The following SYNE2 variants were observed in gnomAD, a reference collection of about 807,000 sequenced individuals.
SYNE2 encodes the protein spectrin repeat containing nuclear envelope protein 2.
SYNE2 carries 431 observed loss-of-function variants against 856.3 expected under a neutral mutation model. That is an observed-to-expected ratio of 0.50 (90% CI 0.47 to 0.55). The LOEUF is 0.55. SYNE2 is among the 20% of genes least tolerant of loss of function. The probability of loss-of-function intolerance (pLI) is 0.00; values close to 1 mark genes in which losing one functional copy is unlikely to be tolerated. For missense variants in SYNE2, 8,129 were observed against 8,023.2 expected, an observed-to-expected ratio of 1.01 and a Z score of -0.50; for synonymous variants, 2,923 against 2,872.3, an observed-to-expected ratio of 1.02 and a Z score of -0.56.
At chr14:63,838,508 T>C (rs1466157117) in intron 1 of SYNE2, among the ~76,000 whole-genome samples, 1 of 152,104 alleles carries the variant, frequency 6.6e-6, no homozygotes, top group Admixed American at 6.6e-5. Context: ...ATGTACATTA[T>C]TTATGTATTT....
At chr14:64,203,583 G>A (rs1243863144) in intron 100 of SYNE2, among the ~76,000 whole-genome samples, 1 of 152,148 alleles carries the variant, frequency 6.6e-6, no homozygotes, top group African/African-American at 2.4e-5. Flanking sequence ...CTGGTTTATC[G>A]AATCCACTTT....
intron 49 of SYNE2, among the ~76,000 whole-genome samples, chr14:64,059,590 A>G (rs1023916677): frequency 3.3e-5 from 5 of 152,260 alleles, no homozygotes; most frequent in Admixed American, 3.3e-4. Context: ...TGTGGCAACC[A>G]CTACAGAGAG....
At position 64,031,254 on chromosome 14, in the gene SYNE2, T is replaced by G; in HGVS notation, c.7118T>G (p.Phe2373Cys). The G allele has an allele frequency of 6.2e-7, 1 of 1,614,114 alleles. No homozygotes were observed. Among genetic ancestry groups the G allele is most frequent in the Non-Finnish European group, 8.5e-7 (1 of 1,180,018 alleles). The change falls in exon 45 of 116, where the codon TTT (phenylalanine) becomes TGT (cysteine). Residue 2373 changes from phenylalanine to cysteine, a missense_variant. Transcript: ENST00000555002. The part of the protein sequence containing the change: ...SKRSTEKKGK[F>C]TLPGREKQAT... Reference sequence around the variant, plus strand: ...CGCTCAACAGAAAAGAAAGGAAAGTTTACTCTGCCAGGCAGAGAGAAGCAG... The same window carrying G: ...CGCTCAACAGAAAAGAAAGGAAAGTGTACTCTGCCAGGCAGAGAGAAGCAG...
In SYNE2 at chr14:64,126,648, G is replaced by T. The variant is rs759094626; in HGVS notation, c.13758G>T (p.Lys4586Asn). The T allele has an allele frequency of 1.9e-6, 3 of 1,614,194 alleles. No homozygotes were observed. Among genetic ancestry groups the T allele is most frequent in the Non-Finnish European group, 2.5e-6 (3 of 1,180,042 alleles). Residue 4586 changes from lysine (K) to asparagine (N), a missense_variant, in exon 73 of 116, where the codon AAG becomes AAT. This residue lies in a region of SYNE2 where 5,410 missense variants were observed against 5,284.8 expected (regional missense o/e 1.02). Transcript: ENST00000555002. Reference protein sequence around the residue: ...KKLYLALSDKKGDLLKAMTWP... With the variant: ...KKLYLALSDKNGDLLKAMTWP... ...TTTATTTAGCGCTAAGTGACAAGAA[G>T]GGTGATCTTTTGAAAGCCATGACTT...
chr14:63,967,633 G>T, intron 10 of SYNE2, 76 bp from the exon 11 acceptor site: 1 of 1,466,612 alleles, frequency 6.8e-7, no homozygotes, highest in Non-Finnish European at 9.3e-7. Context: ...TATACCTATA[G>T]ACCTCAAAAT....
At chr14:63,965,945 G>C (rs1367900134) in intron 10 of SYNE2, among the ~76,000 whole-genome samples, 3 of 151,998 alleles carry the variant, frequency 2.0e-5, no homozygotes, top group Non-Finnish European at 4.4e-5. Flanking sequence ...TCACAGATTT[G>C]GGTTTCCTAA....
chr14:63,799,457 A>T (rs899410343), intron 1 of SYNE2, among the ~76,000 whole-genome samples: 1 of 134,032 alleles, frequency 7.5e-6, no homozygotes, highest in Non-Finnish European at 1.6e-5. Flanking sequence ...GCACTTTGGG[A>T]GGCTGAGGCA....
chr14:63,993,132 C>T (rs2096682512), intron 21 of SYNE2, among the ~76,000 whole-genome samples: 1 of 152,338 alleles, frequency 6.6e-6, no homozygotes, highest in East Asian at 1.9e-4. Context: ...GAACTGCCAA[C>T]ATGAGTGGCC....
intron 1 of SYNE2, among the ~76,000 whole-genome samples, chr14:63,881,588 A>G (rs1468256525): frequency 1.3e-5 from 2 of 148,818 alleles, no homozygotes; most frequent in Non-Finnish European, 3.0e-5. Context: ...TATTTATGGA[A>G]AATTTTATGT....
At chr14:64,023,008 C>G (rs924905409) in intron 38 of SYNE2, 145 bp downstream of exon 38, 1 of 615,634 alleles carries the variant, frequency 1.6e-6, no homozygotes, top group Non-Finnish European at 2.9e-6. Flanking sequence ...GCTGGTGGAT[C>G]ACTTGAGCTC....
rs762999027 is a variant in SYNE2 at position 64,081,463 on chromosome 14, A to C, written c.11367A>C (p.Glu3789Asp). 6.2e-7 allele frequency: 1 copy of C among 1,614,174 alleles called. No individual in the cohort carries two copies. Among genetic ancestry groups the C allele is most frequent in the East Asian group, 2.2e-5 (1 of 44,882 alleles). ...QLNKATVKME[E>D]YSDLLKSTEA... ...CCCAGGCCACAGTTAAGATGGAGGA[A>C]TATAGTGACCTTCTGAAGAGCACTG... Residue 3789 changes from glutamate to aspartate, a missense_variant, in exon 57 of 116, where the codon GAA becomes GAC. Transcript: ENST00000555002.
intron 49 of SYNE2, among the ~76,000 whole-genome samples, chr14:64,060,975 T>C (rs2097312167): frequency 3.9e-5 from 6 of 152,280 alleles, no homozygotes; most frequent in African/African-American, 1.2e-4. Flanking sequence ...GGATTCTTTC[T>C]CCCTGCCATG....
chr14:64,168,797 AT>A, intron 92 of SYNE2, 79 bp from the exon 93 acceptor site: 1 of 996,816 alleles, frequency 1.0e-6, no homozygotes, highest in Non-Finnish European at 1.6e-6. Context: ...GTAAGCTTAG[AT>A]TTTAATAGGA....
intron 34 of SYNE2, 134 bp from the exon 35 acceptor site, chr14:64,019,858 T>G: frequency 2.9e-6 from 2 of 686,292 alleles, no homozygotes; most frequent in Non-Finnish European, 2.5e-6. Flanking sequence ...CTTCTAGGAC[T>G]CTGACAAAAC....
upstream of SYNE2, chr14:63,848,132 C>T (rs1890292921): frequency 6.6e-6 from 1 of 152,202 alleles, no homozygotes; most frequent in East Asian, 1.9e-4. Context: ...GGTGATCCAC[C>T]TGTCTAAACC....
intron 11 of SYNE2, among the ~76,000 whole-genome samples, chr14:63,973,643 A>G (rs965783842): frequency 1.6e-4 from 24 of 152,004 alleles, no homozygotes; most frequent in African/African-American, 5.8e-4. Flanking sequence ...AAAAAAAAAA[A>G]AAAAAAAAAA....
Position 64,122,049 on chromosome 14 carries a change from T to C in SYNE2, c.13196T>C (p.Ile4399Thr), listed in dbSNP as rs758501158. 2 of 1,613,944 alleles carry C rather than the reference T, an allele frequency of 1.2e-6. No individual in the cohort carries two copies. Among genetic ancestry groups the C allele is most frequent in the East Asian group, 4.5e-5 (2 of 44,860 alleles). The change falls in exon 69 of 116, where the codon ATC (isoleucine) becomes ACC (threonine). Residue 4399 changes from isoleucine to threonine, a missense_variant. By Grantham distance (89) the Ile-to-Thr change is moderately conservative. This residue lies in a region of SYNE2 where 5,410 missense variants were observed against 5,284.8 expected (regional missense o/e 1.02). Coordinates refer to ENST00000555002, the MANE Select transcript of SYNE2 (RefSeq NM_182914.3). Reference protein sequence around the residue: ...ELKPMEQKDFIKFIEFNAKKM... With the variant: ...ELKPMEQKDFTKFIEFNAKKM... ...AAACCAATGGAACAGAAAGATTTCA[T>C]CAAATTCATAGAATTTAATGCTAAG...
At position 64,070,822 on chromosome 14, in the gene SYNE2, A is replaced by G; in HGVS notation, c.10609A>G (p.Ser3537Gly). The G allele has an allele frequency of 6.2e-7, 1 of 1,614,232 alleles. No individual in the cohort carries two copies. The highest frequency in any genetic ancestry group is 1.6e-4 in the Middle Eastern group (1 of 6,062). Residue 3537 changes from serine to glycine, a missense_variant, in exon 52 of 116, where the codon AGT (serine) becomes GGT (glycine). Around this residue, in one of 3 missense-constraint regions of SYNE2, gnomAD observed 5,410 missense variants for 5,284.8 expected, o/e 1.02. Transcript: ENST00000555002. ...LLTLLLQRIR[S>G]IQNVPESSGA... ...GACTCTACTTCTTCAGCGCATCAGA[A>G]GTATCCAGAATGTTCCTGAAAGCTC... is the stretch of plus-strand genomic sequence containing the variant.
chr14:63,771,116 C>T (rs543305116), intron 1 of SYNE2, among the ~76,000 whole-genome samples: 24 of 140,632 alleles, frequency 1.7e-4, no homozygotes, highest in African/African-American at 6.0e-4. Context: ...GTGGCCCAGG[C>T]GGGAGCGCAG....
Sources: gnomAD v4.1 joint callset for allele counts (sites outside exome capture counted in the v4.1 genomes callset) on GRCh38, gnomAD v4.1.1 for gene constraint, gnomAD v4.1.1 regional missense constraint, MANE v1.5 for transcripts, NCBI Gene and HGNC (gene_info 2026-07-23, HGNC 2026-07-21) for gene names.